GRM1: variants seen among roughly 807,000 people sequenced by gnomAD.
GRM1 encodes the protein metabotropic glutamate receptor 1.
Under a neutral mutation model 90.9 loss-of-function variants are expected in GRM1, and 33 were observed. The ratio of observed to expected loss-of-function variants is 0.36; its 90% confidence interval spans 0.28 to 0.49. The LOEUF (loss-of-function observed/expected upper bound fraction) is 0.49. Ranked by LOEUF, GRM1 falls within the 20% of genes least tolerant of loss-of-function variation. The probability of loss-of-function intolerance (pLI) is 0.99; values close to 1 mark genes in which losing one functional copy is unlikely to be tolerated. For missense variants in GRM1, 1,190 were observed against 1,534.3 expected, an observed-to-expected ratio of 0.78 and a Z score of 3.75; for synonymous variants, 700 against 613.2, an observed-to-expected ratio of 1.14 and a Z score of -2.09.
Position 146,428,409 on chromosome 6 carries a change from A to G in GRM1, c.2661-5463A>G, listed in dbSNP as rs562182788. Among the ~76,000 whole-genome samples, 7 of 152,352 alleles carry G rather than the reference A, an allele frequency of 4.6e-5. No individual in the cohort carries two copies. The South Asian group carries it at 1.2e-3, about 27-fold the overall frequency. ...GCAATGCAACTGTAATTTTTATTGCAATTAGAAAATTGGTGAATTTTCCAG... is the reference window on the plus strand; with the variant it reads ...GCAATGCAACTGTAATTTTTATTGCGATTAGAAAATTGGTGAATTTTCCAG... On this transcript the variant is annotated intron_variant, in intron 7 of 7. Coordinates refer to ENST00000282753, the MANE Select transcript of GRM1 (RefSeq NM_001278064.2).
chr6:146,292,632 T>A (rs944140920), intron 2 of GRM1, among the ~76,000 whole-genome samples: 1 of 151,898 alleles, frequency 6.6e-6, no homozygotes, highest in African/African-American at 2.4e-5. Context: ...AATTAATGAA[T>A]TTGTACAAAA....
chr6:146,203,045 T>A (rs993212103), intron 2 of GRM1, among the ~76,000 whole-genome samples: 1 of 151,680 alleles, frequency 6.6e-6, no homozygotes, highest in Non-Finnish European at 1.5e-5. Context: ...ATACAAAAAA[T>A]TAGCCGGGCG....
intron 1 of GRM1, among the ~76,000 whole-genome samples, chr6:146,079,100 G>A (rs1400215790): frequency 6.6e-6 from 1 of 152,138 alleles, no homozygotes; most frequent in Non-Finnish European, 1.5e-5. Context: ...TGAACTTCCT[G>A]AGGCATCACC....
intron 1 of GRM1, among the ~76,000 whole-genome samples, chr6:146,086,881 T>G (rs1475518466): frequency 2.6e-5 from 4 of 152,032 alleles, no homozygotes; most frequent in African/African-American, 9.7e-5. Context: ...GCTCCAGGAA[T>G]GTTATTCAGG....
In GRM1 at chr6:146,352,244, T is replaced by C; in HGVS notation, c.1187-6T>C. On this transcript the variant is annotated splice_region_variant and splice_polypyrimidine_tract_variant and intron_variant, in intron 3 of 7. Coordinates refer to ENST00000282753, the MANE Select transcript of GRM1 (RefSeq NM_001278064.2). ...CCTTGGTAGTGATCTATTTTTATTG[T>C]TACAGGCAATGAAAGCTTAGAAGAA... 1 of 1,613,266 alleles carries C rather than the reference T, an allele frequency of 6.2e-7. No individual in the cohort carries two copies. The highest frequency in any genetic ancestry group is 8.5e-7 in the Non-Finnish European group (1 of 1,179,322).
intron 2 of GRM1, among the ~76,000 whole-genome samples, chr6:146,197,509 G>T (rs1779161707): frequency 6.6e-6 from 1 of 152,134 alleles, no homozygotes; most frequent in South Asian, 2.1e-4. Context: ...CTCTCATGGG[G>T]TTTACCAATG....
At chr6:146,165,116 C>T (rs1303385033) in intron 2 of GRM1, among the ~76,000 whole-genome samples, 1 of 152,048 alleles carries the variant, frequency 6.6e-6, no homozygotes, top group Admixed American at 6.6e-5. Context: ...ATTTTATTCT[C>T]CTGCTTTTTT....
At chr6:146,218,747 T>G (rs1362612917) in intron 2 of GRM1, among the ~76,000 whole-genome samples, 1 of 152,194 alleles carries the variant, frequency 6.6e-6, no homozygotes, top group African/African-American at 2.4e-5. Flanking sequence ...GCCTGCCTTT[T>G]GCTGTGACAT....
chr6:146,242,973 T>C (rs1033117194), intron 2 of GRM1, among the ~76,000 whole-genome samples: 2 of 152,140 alleles, frequency 1.3e-5, no homozygotes, highest in Non-Finnish European at 2.9e-5. Flanking sequence ...GGTTAAGCTA[T>C]AACCCATGTA....
intron 3 of GRM1, among the ~76,000 whole-genome samples, chr6:146,350,153 G>A (rs1403887440): frequency 6.6e-6 from 1 of 152,188 alleles, no homozygotes; most frequent in African/African-American, 2.4e-5. Flanking sequence ...GATGAATGAA[G>A]TATCCACTAG....
intron 3 of GRM1, among the ~76,000 whole-genome samples, chr6:146,351,216 C>A (rs1785396640): frequency 6.6e-6 from 1 of 152,036 alleles, no homozygotes; most frequent in African/African-American, 2.4e-5. Context: ...TGTTCTCAAC[C>A]CCATATGCAG....
chr6:146,040,363 T>C (rs1791054014), intron 1 of GRM1, among the ~76,000 whole-genome samples: 1 of 152,030 alleles, frequency 6.6e-6, no homozygotes. Flanking sequence ...CCTGTGAATT[T>C]TATGCCTTCG....
intron 6 of GRM1, among the ~76,000 whole-genome samples, chr6:146,394,152 G>C (rs1010200775): frequency 2.0e-5 from 3 of 152,024 alleles, no homozygotes; most frequent in Admixed American, 6.6e-5. Context: ...ACCTAAATCC[G>C]TAAAAACTCT....
At chr6:146,315,361 T>C (rs1783931177) in intron 3 of GRM1, among the ~76,000 whole-genome samples, 1 of 152,256 alleles carries the variant, frequency 6.6e-6, no homozygotes, top group South Asian at 2.1e-4. Context: ...CACTCCAGCC[T>C]GGGCAGCAGA....
chr6:146,405,740 C>T (rs1777324502), intron 7 of GRM1, among the ~76,000 whole-genome samples: 1 of 152,052 alleles, frequency 6.6e-6, no homozygotes, highest in Non-Finnish European at 1.5e-5. Flanking sequence ...GGCACTAATC[C>T]CATCCTAGGA....
intron 2 of GRM1, among the ~76,000 whole-genome samples, chr6:146,181,124 T>C (rs1778535890): frequency 6.6e-6 from 1 of 151,892 alleles, no homozygotes; most frequent in Non-Finnish European, 1.5e-5. Flanking sequence ...GGTACATAAA[T>C]AGATTTGCAG....
chr6:146,302,616 C>T (rs921558420), intron 2 of GRM1, among the ~76,000 whole-genome samples: 1 of 151,388 alleles, frequency 6.6e-6, no homozygotes, highest in Non-Finnish European at 1.5e-5. Flanking sequence ...GTCTCAAATT[C>T]CTGAGCTCAA....
At chr6:146,425,312 A>G (rs1778156749) in intron 7 of GRM1, among the ~76,000 whole-genome samples, 1 of 152,164 alleles carries the variant, frequency 6.6e-6, no homozygotes, top group South Asian at 2.1e-4. Flanking sequence ...TTAAAATTTA[A>G]AACTCACAGC....
At chr6:146,383,302 A>T (rs1776386289) in intron 5 of GRM1, among the ~76,000 whole-genome samples, 1 of 152,160 alleles carries the variant, frequency 6.6e-6, no homozygotes. Context: ...CATCCTGCAT[A>T]AGTAAATTGG....
Sources: gnomAD v4.1 joint callset for allele counts (sites outside exome capture counted in the v4.1 genomes callset) on GRCh38, gnomAD v4.1.1 for gene constraint, MANE v1.5 for transcripts, NCBI Gene and HGNC (gene_info 2026-07-23, HGNC 2026-07-21) for gene names.